The following ZSCAN20 variants were observed in gnomAD, a reference collection of about 807,000 sequenced individuals.
The protein encoded by ZSCAN20 is zinc finger and SCAN domain containing 20, also known as zinc finger and SCAN domain-containing protein 20.
Under a neutral mutation model 97.1 loss-of-function variants are expected in ZSCAN20, and 39 were observed. The observed-to-expected ratio is 0.40, with a 90% CI of 0.31 to 0.52. The LOEUF (loss-of-function observed/expected upper bound fraction) is 0.52. Ranked by LOEUF, ZSCAN20 falls within the 20% of genes least tolerant of loss-of-function variation. The pLI is 0.49. For synonymous variants in ZSCAN20, 456 were observed against 467.3 expected (o/e 0.98, Z 0.31); for missense variants, 1,115 against 1,290.4 (o/e 0.86, Z 2.08).
In ZSCAN20 at chr1:33,494,313, G is replaced by C; in HGVS notation, c.1969G>C (p.Val657Leu). 6.2e-7 allele frequency: 1 copy of C among 1,614,190 alleles called. No homozygotes were observed. Among genetic ancestry groups the C allele is most frequent in the Non-Finnish European group, 8.5e-7 (1 of 1,180,032 alleles). The part of the protein sequence containing the change: ...GALSKCPTEA[V>L]CQPLDWGEDS... ...CTTATCAAAATGTCCTACAGAAGCT[G>C]TTTGCCAACCTCTTGACTGGGGAGA... The change falls in exon 8 of 8, where the codon GTT becomes CTT. Residue 657 changes from valine (V) to leucine (L), a missense_variant. Transcript: ENST00000684572.
At position 33,500,071 on chromosome 1, in the gene ZSCAN20, T is replaced by C. The variant is rs1192026938; in HGVS notation, c.*4595T>C. Among the ~76,000 whole-genome samples the C allele has an allele frequency of 2.0e-5, 3 of 152,090 alleles. No homozygotes were observed. Among genetic ancestry groups the C allele is most frequent in the Non-Finnish European group, 4.4e-5 (3 of 68,014 alleles). ...TGGGATGGTAGACACTGGATCCTTT[T>C]CCCCCACAGCTCCTGGCTGTTTCTT... is the stretch of plus-strand genomic sequence containing the variant. On this transcript the variant is annotated 3_prime_UTR_variant, in exon 8 of 8. Transcript: ENST00000684572.
In ZSCAN20 at chr1:33,495,441, C is replaced by G. The variant is rs763866300; in HGVS notation, c.3097C>G (p.His1033Asp). ...DFNNSSHFSA[H>D]RRTHAGGKAS ...CAACAACAGTTCCCACTTCAGTGCTCACCGGAGAACCCATGCAGGAGGGAA... is the reference window on the plus strand; with the variant it reads ...CAACAACAGTTCCCACTTCAGTGCTGACCGGAGAACCCATGCAGGAGGGAA... Residue 1033 changes from histidine (H) to aspartate (D), a missense_variant, in exon 8 of 8, where the codon CAC becomes GAC. Coordinates refer to ENST00000684572, the MANE Select transcript of ZSCAN20 (RefSeq NM_001377376.1). 13 of 1,558,690 alleles carry G rather than the reference C, an allele frequency of 8.3e-6. No individual in the cohort carries two copies. The Admixed American group carries it at 2.5e-4, about 30-fold the overall frequency.
At chr1:33,484,644 G>C (rs865876635) in intron 2 of ZSCAN20, among the ~76,000 whole-genome samples, 2 of 144,052 alleles carry the variant, frequency 1.4e-5, no homozygotes, top group Middle Eastern at 7.3e-3. Context: ...TTTAGCTGGA[G>C]TCTTGTTGGT....
chr1:33,489,491 G>T, intron 4 of ZSCAN20, 27 bp from the exon 5 acceptor site: 1 of 1,612,372 alleles, frequency 6.2e-7, no homozygotes, highest in Non-Finnish European at 8.5e-7. Context: ...AGTGATGTTT[G>T]GGGTCCTTGT....
chr1:33,492,646 T>C (rs10798958), intron 6 of ZSCAN20: 116,537 of 151,692 alleles, frequency 0.77, 45,098 homozygotes, highest in African/African-American at 0.82. Context: ...TGTGGTGGCA[T>C]GCACCTGTAA....
rs756359327 is a variant in ZSCAN20, at chr1:33,494,272, A to G, written c.1928A>G (p.Glu643Gly). 16 of 1,603,180 alleles carry G rather than the reference A, an allele frequency of 1.0e-5. No individual in the cohort carries two copies. Among genetic ancestry groups the G allele is most frequent in the Non-Finnish European group, 1.4e-5 (16 of 1,175,014 alleles). ...CAGATTTCAGAGCAGGACATTTTTG[A>G]GGGTTTGCCTGGAGCCTTATCAAAA... is the stretch of plus-strand genomic sequence containing the variant. Reference protein sequence around the residue: ...EDQISEQDIFEGLPGALSKCP... With the variant: ...EDQISEQDIFGGLPGALSKCP... The change falls in exon 8 of 8, where the codon GAG becomes GGG. Residue 643 changes from glutamate to glycine, a missense_variant. Transcript: ENST00000684572.
At chr1:33,483,404 G>A (rs768870687) in intron 2 of ZSCAN20, among the ~76,000 whole-genome samples, 16 of 151,906 alleles carry the variant, frequency 1.1e-4, no homozygotes, top group Admixed American at 2.6e-4. Flanking sequence ...TCCATTGATC[G>A]CTTTATTCTT....
At chr1:33,476,352 A>G (rs1208416697) in intron 1 of ZSCAN20, among the ~76,000 whole-genome samples, 2 of 152,130 alleles carry the variant, frequency 1.3e-5, no homozygotes, top group Non-Finnish European at 2.9e-5. Context: ...GGTTATGGTG[A>G]TATGTGGTCC....
chr1:33,495,315 G>A lies in ZSCAN20; in HGVS notation c.2971G>A (p.Glu991Lys). ...HTGEKPYKCR[E>K]CGKCFNQSSS... Reference sequence around the variant, plus strand: ...GGGAGAGAAGCCGTATAAGTGCAGAGAGTGTGGGAAATGCTTTAACCAGAG... The same window carrying A: ...GGGAGAGAAGCCGTATAAGTGCAGAAAGTGTGGGAAATGCTTTAACCAGAG... The change falls in exon 8 of 8, where the codon GAG becomes AAG. Residue 991 changes from glutamate (E) to lysine (K), a missense_variant. Physicochemically the swap from Glu to Lys is moderately conservative, Grantham distance 56. Around this residue, in one of 3 missense-constraint regions of ZSCAN20, gnomAD observed 554 missense variants for 584.9 expected, o/e 0.95. Transcript: ENST00000684572. The A allele has an allele frequency of 6.2e-7, 1 of 1,613,490 alleles. No homozygotes were observed. The highest frequency in any genetic ancestry group is 8.5e-7 in the Non-Finnish European group (1 of 1,179,626).
chr1:33,483,837 C>T (rs886375757), intron 2 of ZSCAN20, among the ~76,000 whole-genome samples: 5 of 152,146 alleles, frequency 3.3e-5, no homozygotes, highest in African/African-American at 1.2e-4. Context: ...TATCTGTGAA[C>T]ATGGAATATT....
In ZSCAN20 at chr1:33,499,544, G is replaced by A. The variant is rs563111405; in HGVS notation, c.*4068G>A. The stretch of plus-strand genomic sequence containing the variant: ...GGCTCTTGGCCTGCCCATTCAGCAC[G>A]TGCATTGATGTACACACTCAGTGAC... On this transcript the variant is annotated 3_prime_UTR_variant, in exon 8 of 8. Transcript: ENST00000684572. 3.3e-5 allele frequency among the ~76,000 whole-genome samples: 5 copies of A among 152,116 alleles called. No homozygotes were observed. Among genetic ancestry groups the A allele is most frequent in the East Asian group, 1.9e-4 (1 of 5,154 alleles).
chr1:33,488,781 A>G (rs1652473981), intron 3 of ZSCAN20, 130 bp downstream of exon 3: 2 of 1,003,256 alleles, frequency 2.0e-6, no homozygotes, highest in Non-Finnish European at 2.9e-6. Flanking sequence ...TGTGGTGGGC[A>G]CACTTACTGA....
In ZSCAN20 at chr1:33,495,218, C is replaced by T. The variant is rs1652812967; in HGVS notation, c.2874C>T (p.Pro958=). Residue 958 remains proline, a synonymous_variant, in exon 8 of 8, where the codon CCC becomes CCT. Coordinates refer to ENST00000684572, the MANE Select transcript of ZSCAN20 (RefSeq NM_001377376.1). ...AGAGAGTGCACACAGGAGAGAAGCC[C>T]TACAAATGCCTTGAGTGTGGAAAAT... ...THQRVHTGEK[P]YKCLECGKFF... 6.2e-7 allele frequency: 1 copy of T among 1,613,806 alleles called. No homozygotes were observed. The highest frequency in any genetic ancestry group is 1.3e-5 in the African/African-American group (1 of 74,988).
At chr1:33,490,166 C>T (rs1024338405) in intron 5 of ZSCAN20, among the ~76,000 whole-genome samples, 2 of 152,116 alleles carry the variant, frequency 1.3e-5, no homozygotes, top group African/African-American at 4.8e-5. Context: ...TCTGATAGGC[C>T]TGACTCATGG....
Position 33,493,810 on chromosome 1 carries a change from C to G in ZSCAN20, c.1873+195C>G, listed in dbSNP as rs1652725051. Reference sequence around the variant, plus strand: ...CGAATCAGTCAGTCAGTCAGTCATTCTATCTTTTACTAGGTATATCTGGGC... The same window carrying G: ...CGAATCAGTCAGTCAGTCAGTCATTGTATCTTTTACTAGGTATATCTGGGC... On this transcript the variant is annotated intron_variant, in intron 7 of 7. Transcript: ENST00000684572. This position sits in a 1 kb window ranked among gnomAD's most constrained non-coding sequence, Gnocchi z 4.3. Among the ~76,000 whole-genome samples, 1 of 152,218 alleles carries G rather than the reference C, an allele frequency of 6.6e-6. No homozygotes were observed. Among genetic ancestry groups the G allele is most frequent in the African/African-American group, 2.4e-5 (1 of 41,448 alleles).
At chr1:33,480,205 TTAAAC>T (rs1168573640) in intron 2 of ZSCAN20, among the ~76,000 whole-genome samples, 26 of 152,164 alleles carry the variant, frequency 1.7e-4, no homozygotes, top group African/African-American at 6.0e-4. Context: ...ATTTTATAGA[TTAAAC>T]TAAGAGCCAA....
At chr1:33,476,866 T>A (rs1172173339) in intron 1 of ZSCAN20, among the ~76,000 whole-genome samples, 1 of 152,260 alleles carries the variant, frequency 6.6e-6, no homozygotes, top group Non-Finnish European at 1.5e-5. Context: ...AATTATGGAA[T>A]ATCTGTATCC....
intron 2 of ZSCAN20, among the ~76,000 whole-genome samples, chr1:33,487,010 G>A (rs915275976): frequency 6.6e-6 from 1 of 152,010 alleles, no homozygotes; most frequent in Non-Finnish European, 1.5e-5. Context: ...TATTATTTTG[G>A]TTCAAAAAAA....
chr1:33,474,412 G>A (rs963079809), intron 1 of ZSCAN20, among the ~76,000 whole-genome samples: 3 of 152,168 alleles, frequency 2.0e-5, no homozygotes, highest in Non-Finnish European at 4.4e-5. Flanking sequence ...GAACTGGAGA[G>A]CATCTTCTCT....
Sources: allele counts gnomAD v4.1 joint callset (sites outside exome capture counted in the v4.1 genomes callset), GRCh38; gene constraint gnomAD v4.1.1; regional missense constraint gnomAD v4.1.1; non-coding constraint Gnocchi (gnomAD v3.1); transcripts MANE v1.5; gene names NCBI Gene and HGNC (gene_info 2026-07-23, HGNC 2026-07-21).